The following KLHL13 variants were observed in gnomAD, a reference collection of about 807,000 sequenced individuals.
The protein encoded by KLHL13 is kelch like family member 13.
KLHL13 carries 10 observed loss-of-function variants against 37.1 expected under a neutral mutation model. The observed-to-expected ratio is 0.27, with a 90% CI of 0.17 to 0.46. KLHL13 has a LOEUF of 0.46. Among genes scored for constraint, KLHL13 ranks in the 20% least tolerant of loss-of-function variants. The pLI, the probability that KLHL13 is intolerant of heterozygous loss-of-function variation, is 1.00. For synonymous variants in KLHL13, 163 were observed against 181.2 expected (o/e 0.90, Z 0.81); for missense variants, 360 against 509.3 (o/e 0.71, Z 2.82).
intron 1 of KLHL13, among the ~76,000 whole-genome samples, chrX:118,072,180 T>C (rs1209964190): frequency 1.8e-5 from 2 of 110,057 alleles, no homozygotes; most frequent in African/African-American, 3.3e-5. Flanking sequence ...ACGCCGCATA[T>C]CTACAACTAT....
chrX:118,080,873 A>G (rs2054984743), intron 1 of KLHL13, among the ~76,000 whole-genome samples: 1 of 111,990 alleles, frequency 8.9e-6, no homozygotes, highest in South Asian at 3.7e-4. Flanking sequence ...GTGCCCATCA[A>G]TGGTGGACTG....
intron 1 of KLHL13, among the ~76,000 whole-genome samples, chrX:118,114,475 T>C (rs1012254755): frequency 2.7e-5 from 3 of 112,131 alleles, no homozygotes; most frequent in Non-Finnish European, 3.8e-5. Flanking sequence ...TTAGCAGCAA[T>C]CTTAGCTTAG....
chrX:118,104,390 GA>G (rs1052355746), intron 1 of KLHL13, among the ~76,000 whole-genome samples: 3 of 111,573 alleles, frequency 2.7e-5, no homozygotes, highest in African/African-American at 9.8e-5. Flanking sequence ...AAATTTCTCA[GA>G]AATCTTTGGC....
At chrX:117,985,195 T>G in intron 1 of KLHL13, 1 of 943,117 alleles carries the variant, frequency 1.1e-6, no homozygotes, top group Non-Finnish European at 1.4e-6. Context: ...GCTATTTTAA[T>G]GAGTAAGTAA....
chrX:117,946,922 G>A (rs924924477), intron 1 of KLHL13: 3 of 111,624 alleles, frequency 2.7e-5, no homozygotes, highest in Non-Finnish European at 5.7e-5. Context: ...CCTTAAGGAT[G>A]ACATCAATTC....
intron 1 of KLHL13, among the ~76,000 whole-genome samples, chrX:118,073,465 G>C (rs1215417987): frequency 1.8e-5 from 2 of 111,124 alleles, no homozygotes; most frequent in African/African-American, 3.3e-5. Context: ...CACAACACGT[G>C]GAATTTAAGA....
At chrX:118,011,236 T>A (rs1419312643) in intron 1 of KLHL13, among the ~76,000 whole-genome samples, 6 of 108,603 alleles carry the variant, frequency 5.5e-5, no homozygotes, top group African/African-American at 1.0e-4. Flanking sequence ...GAAAGAAGGG[T>A]GGCAATATGA....
At position 118,082,304 on chromosome X, in the gene KLHL13, CAG is replaced by C. The variant is rs202126274; in HGVS notation, c.-56+34202_-56+34203del. Among the ~76,000 whole-genome samples the C allele has an allele frequency of 9.3e-3, 1,030 of 111,270 alleles. 14 individuals are homozygous for C. Among genetic ancestry groups the C allele is most frequent in the African/African-American group, 0.032 (976 of 30,671 alleles). ...GTCTTTTTGATAATAGCAATTCTAA[CAG>C]GGGTGAGATGATATTGCACTGTGGT... is the stretch of plus-strand genomic sequence containing the variant. On this transcript the variant is annotated intron_variant, in intron 1 of 6. Coordinates refer to the KLHL13 transcript ENST00000371882.
chrX:117,959,931 A>C (rs751830710), intron 1 of KLHL13, among the ~76,000 whole-genome samples: 51 of 111,947 alleles, frequency 4.6e-4, no homozygotes, highest in African/African-American at 1.6e-3. Context: ...GCAGTTAGGT[A>C]CAGAGGGATC....
chrX:118,081,161 T>C (rs970200746), intron 1 of KLHL13, among the ~76,000 whole-genome samples: 6 of 111,533 alleles, frequency 5.4e-5, no homozygotes, highest in Middle Eastern at 4.6e-3. Flanking sequence ...CTATTGGGTA[T>C]TGTGCATGCT....
intron 1 of KLHL13, among the ~76,000 whole-genome samples, chrX:118,093,298 TAAATC>T (rs993573441): frequency 6.2e-4 from 70 of 112,158 alleles, no homozygotes; most frequent in African/African-American, 2.1e-3. Flanking sequence ...TAACATTTAT[TAAATC>T]TTATCATATT....
At chrX:117,962,496 T>C (rs2053320656) in intron 1 of KLHL13, among the ~76,000 whole-genome samples, 1 of 110,896 alleles carries the variant, frequency 9.0e-6, no homozygotes, top group Non-Finnish European at 1.9e-5. Flanking sequence ...TCAATGAAGA[T>C]GGAATAGTGC....
At position 118,067,294 on chromosome X, in the gene KLHL13, G is replaced by A. The variant is rs12010701; in HGVS notation, c.-56+49214C>T. ...AGATAAAAAATGGTACACCTGTATA[G>A]GGCACTTAGCATGAATGGAACCTGC... On this transcript the variant is annotated intron_variant, in intron 1 of 6. Coordinates refer to the KLHL13 transcript ENST00000371882. 5.8e-3 allele frequency among the ~76,000 whole-genome samples: 648 copies of A among 111,548 alleles called. 8 individuals carry two copies. The highest frequency in any genetic ancestry group is 0.02 in the African/African-American group (612 of 30,735).
At position 117,914,880 on chromosome X, in the gene KLHL13, G is replaced by A. The variant is rs1259548956; in HGVS notation, c.570+4641C>T. 3.6e-5 allele frequency among the ~76,000 whole-genome samples: 4 copies of A among 112,231 alleles called. No homozygotes were observed. In the East Asian group the frequency reaches 1.1e-3, roughly 32 times the overall value. The stretch of plus-strand genomic sequence containing the variant: ...GCTAGGCCTCTTCTTCCCAGACAGA[G>A]TCCCAGATAGCAGATAGGCAAGAAT... On this transcript the variant is annotated intron_variant, in intron 4 of 6. Coordinates refer to ENST00000262820, the Ensembl canonical transcript of KLHL13.
intron 1 of KLHL13, among the ~76,000 whole-genome samples, chrX:117,984,970 A>G (rs958739707): frequency 1.8e-5 from 2 of 110,552 alleles, no homozygotes; most frequent in African/African-American, 6.6e-5. Flanking sequence ...ATATATAGAT[A>G]TTTCTTACCT....
intron 1 of KLHL13, among the ~76,000 whole-genome samples, chrX:117,981,740 T>C (rs748098319): frequency 9.0e-6 from 1 of 111,514 alleles, no homozygotes; most frequent in South Asian, 3.8e-4. Context: ...TCTAGAAATA[T>C]CAATTTTTCA....
chrX:117,973,026 C>G, exon 1 of KLHL13: 1 of 1,053,647 alleles, frequency 9.5e-7, no homozygotes, highest in Non-Finnish European at 1.2e-6. Context: ...CTTCTGTCCC[C>G]TAAAGCAATA....
intron 1 of KLHL13, among the ~76,000 whole-genome samples, chrX:117,961,310 T>G (rs2053290762): frequency 8.9e-6 from 1 of 112,182 alleles, no homozygotes; most frequent in Admixed American, 9.5e-5. Flanking sequence ...ACAAAACTAC[T>G]GATCCAGAGA....
At chrX:117,962,368 T>C (rs779541497) in intron 1 of KLHL13, among the ~76,000 whole-genome samples, 10 of 109,608 alleles carry the variant, frequency 9.1e-5, no homozygotes, top group Non-Finnish European at 1.7e-4. Flanking sequence ...GGATAATGTC[T>C]GCAGGAAAGT....
Sources: gnomAD v4.1 joint callset for allele counts (sites outside exome capture counted in the v4.1 genomes callset) on GRCh38, gnomAD v4.1.1 for gene constraint, MANE v1.5 for transcripts, NCBI Gene and HGNC (gene_info 2026-07-23, HGNC 2026-07-21) for gene names.